Variants in MED16 observed in about 807,000 individuals in gnomAD.
The protein encoded by MED16 is mediator of RNA polymerase II transcription subunit 16.
In MED16, 81 loss-of-function variants were observed where a neutral mutation model predicts 84.4. The ratio of observed to expected loss-of-function variants is 0.96; its 90% confidence interval spans 0.80 to 1.15. MED16 has a LOEUF of 1.15. MED16 is among the 50% of genes most tolerant of loss of function. The probability of loss-of-function intolerance (pLI) is 0.00; values close to 1 mark genes in which losing one functional copy is unlikely to be tolerated. For synonymous variants in MED16, 897 were observed against 552.2 expected (o/e 1.62, Z -8.76); for missense variants, 1,585 against 1,245.9 (o/e 1.27, Z -4.10).
At chr19:882,486 T>C (rs1425376622) in intron 6 of MED16, among the ~76,000 whole-genome samples, 1 of 152,162 alleles carries the variant, frequency 6.6e-6, no homozygotes, top group Non-Finnish European at 1.5e-5. Flanking sequence ...ATCACGCCAC[T>C]GCACTCCAGC....
chr19:880,778 G>A (rs541190590), intron 7 of MED16, among the ~76,000 whole-genome samples: 17 of 152,030 alleles, frequency 1.1e-4, no homozygotes, highest in East Asian at 1.9e-4. Flanking sequence ...AAAATTAGCC[G>A]GGCGTGGCAG....
At chr19:875,191 A>T in intron 10 of MED16, 53 bp downstream of exon 10, 2 of 1,218,896 alleles carry the variant, frequency 1.6e-6, no homozygotes, top group Non-Finnish European at 2.3e-6. Context: ...AAATAAAAAT[A>T]AAATAAATAG....
At chr19:875,118 C>A (rs763364062) in intron 10 of MED16, 126 bp downstream of exon 10, 1 of 589,746 alleles carries the variant, frequency 1.7e-6, no homozygotes, top group Admixed American at 3.7e-5. Context: ...GAGCTGAGAT[C>A]GCACCACTGC....
In MED16 at chr19:891,007, C is replaced by T. The variant is rs891859176; in HGVS notation, c.125G>A (p.Arg42Gln). The change falls in exon 2 of 16, where the codon CGA (arginine) becomes CAA (glutamine). Residue 42 changes from arginine to glutamine, a missense_variant. Physicochemically the swap from Arg to Gln is conservative, Grantham distance 43. Coordinates refer to ENST00000325464, the MANE Select transcript of MED16 (RefSeq NM_005481.3). ...GTCCATGGTGAAGGCGATGAGATTT[C>T]GGCAGGACCAGGCGCAGGCCAGGGG... The part of the protein sequence containing the change: ...SVPLACAWSC[R>Q]NLIAFTMDLR... 3.7e-6 allele frequency: 6 copies of T among 1,614,050 alleles called. No homozygotes were observed. The highest frequency in any genetic ancestry group is 2.2e-5 in the East Asian group (1 of 44,878).
At chr19:870,932 T>C (rs1460523923) in intron 13 of MED16, 105 bp downstream of exon 13, 21 of 1,057,916 alleles carry the variant, frequency 2.0e-5, no homozygotes, top group East Asian at 3.0e-5. Context: ...CGGGGGGACC[T>C]GGGGCAGGAC....
chr19:890,217 T>C lies in MED16; in HGVS notation c.197A>G (p.Asp66Gly), dbSNP rs1183552837. The change falls in exon 3 of 16, where the codon GAC becomes GGC. Residue 66 changes from aspartate to glycine, a missense_variant. Physicochemically the swap from Asp to Gly is moderately conservative, Grantham distance 94 (BLOSUM62 -1). Transcript: ENST00000325464. ...GTGCAGGTCCCAGGGGTGCTCCGTG[T>C]CCAGGATGTGGATCATGCGGGTCAG... ...QDLTRMIHIL[D>G]TEHPWDLHSI... is the part of the protein sequence containing the mutation. The C allele has an allele frequency of 6.4e-7, 1 of 1,553,934 alleles. No individual in the cohort carries two copies. Among genetic ancestry groups the C allele is most frequent in the Non-Finnish European group, 8.7e-7 (1 of 1,148,676 alleles).
In MED16 at chr19:879,406, C is replaced by T. The variant is rs868306607; in HGVS notation, c.1353+531G>A. Among the ~76,000 whole-genome samples, 836 of 138,292 alleles carry T rather than the reference C, an allele frequency of 6.0e-3. 5 individuals carry two copies. The highest frequency in any genetic ancestry group is 0.023 in the African/African-American group (776 of 33,796). 90.7% of individuals were successfully genotyped at this position (138,292 alleles called of 152,430 possible). A position where few individuals can be genotyped will look rare whatever the true frequency, so the allele number is the denominator to read the frequency against. On this transcript the variant is annotated intron_variant, in intron 8 of 15. Transcript: ENST00000325464. ...CACATGCCCCAGCAGCTCACCTTTC[C>T]CTGGTTGTCAATGCCCACCAACCCC... is the stretch of plus-strand genomic sequence containing the variant.
chr19:871,972 G>C lies in MED16; in HGVS notation c.2052C>G (p.Asp684Glu). ...PVYTATSDTQ[D>E]SMSLLFRLLT... The stretch of plus-strand genomic sequence containing the variant: ...GCAGGCGGAAGAGCAGGGACATGCT[G>C]TCCTGGGTATCCGAGGTGGCCGTAT... Residue 684 changes from aspartate (D) to glutamate (E), a missense_variant, in exon 12 of 16, where the codon GAC (aspartate) becomes GAG (glutamate). Asp to Glu is a conservative substitution (Grantham distance 45). Transcript: ENST00000325464. 1 of 1,607,162 alleles carries C rather than the reference G, an allele frequency of 6.2e-7. No homozygotes were observed. The highest frequency in any genetic ancestry group is 2.2e-5 in the East Asian group (1 of 44,590).
intron 7 of MED16, among the ~76,000 whole-genome samples, chr19:880,871 G>T (rs62132310): frequency 1.3e-5 from 2 of 148,440 alleles, no homozygotes; most frequent in Non-Finnish European, 3.0e-5. Flanking sequence ...GTTGCAGTGA[G>T]CCGAGATCAC....
chr19:882,693 C>T (rs144442835), intron 6 of MED16, among the ~76,000 whole-genome samples: 1,598 of 152,332 alleles, frequency 0.01, 13 homozygotes, highest in Middle Eastern at 0.034. Flanking sequence ...ACCAGGAGAG[C>T]GCAGCTGAGG....
intron 11 of MED16, among the ~76,000 whole-genome samples, chr19:872,321 C>A (rs1201494028): frequency 6.6e-6 from 1 of 151,984 alleles, no homozygotes; most frequent in African/African-American, 2.4e-5. Context: ...CCCAGGACAG[C>A]CCCATTTGCA....
In MED16 at chr19:873,059, CAGGGCTCCGAGGTGGGGG is replaced by C. The variant is rs1568321145; in HGVS notation, c.1905+372_1905+389del. On this transcript the variant is annotated intron_variant, in intron 11 of 15. Coordinates refer to ENST00000325464, the MANE Select transcript of MED16 (RefSeq NM_005481.3). ...GGTGGGGCAGGGCTCCGAGGTGGGGCAGGGCTCCGAGGTGGGGGAGGGCTCCGAGGTGGGGGAGGGCTC... is the reference window on the plus strand; with the variant it reads ...GGTGGGGCAGGGCTCCGAGGTGGGGCAGGGCTCCGAGGTGGGGGAGGGCTC... 63 of 136,404 alleles carry C rather than the reference CAGGGCTCCGAGGTGGGGG, an allele frequency of 4.6e-4. 8 individuals carry two copies. The highest frequency in any genetic ancestry group is 3.4e-3 in the Admixed American group (2 of 580). The allele number at this position is 136,404 out of a possible 1,614,324, so 8.4% of individuals were successfully genotyped here.
chr19:881,831 T>C (rs1049161797), intron 6 of MED16, 117 bp from the exon 7 acceptor site: 9 of 1,238,404 alleles, frequency 7.3e-6, no homozygotes, highest in Non-Finnish European at 9.0e-6. Flanking sequence ...CCAGGTCTCA[T>C]GCCGCCCTGC....
At chr19:885,440 C>A (rs963983568) in intron 5 of MED16, among the ~76,000 whole-genome samples, 1 of 151,820 alleles carries the variant, frequency 6.6e-6, no homozygotes, top group Non-Finnish European at 1.5e-5. Flanking sequence ...GACACTGAGA[C>A]GGGAGAGCAC....
Position 871,994 on chromosome 19 carries a change from G to A in MED16, c.2030C>T (p.Thr677Met), listed in dbSNP as rs1334940919. The change falls in exon 12 of 16, where the codon ACG becomes ATG. Residue 677 changes from threonine (T) to methionine (M), a missense_variant. By Grantham distance (81) the Thr-to-Met change is moderately conservative. Transcript: ENST00000325464. ...GCTGTCCTGGGTATCCGAGGTGGCCGTATACACGGGCAGGCAGCTGGGCTT... is the reference window on the plus strand; with the variant it reads ...GCTGTCCTGGGTATCCGAGGTGGCCATATACACGGGCAGGCAGCTGGGCTT... ...LLKPSCLPVY[T>M]ATSDTQDSMS... 1.1e-5 allele frequency: 17 copies of A among 1,608,438 alleles called. No homozygotes were observed. The East Asian group carries it at 1.6e-4, about 15-fold the overall frequency.
chr19:876,486 A>G lies in MED16; in HGVS notation c.1560+488T>C, dbSNP rs542987261. On this transcript the variant is annotated intron_variant, in intron 9 of 15. Coordinates refer to ENST00000325464, the MANE Select transcript of MED16 (RefSeq NM_005481.3). ...AGAAAGATACCTCCAGACTGGGAAC[A>G]CTGGAGAGGGGAGCCGTCCAGGGGG... Among the ~76,000 whole-genome samples, 4 of 152,234 alleles carry G rather than the reference A, an allele frequency of 2.6e-5. No homozygotes were observed. In the South Asian group the frequency reaches 8.3e-4, roughly 32 times the overall value.
chr19:868,183 A>C lies in MED16; in HGVS notation c.2552T>G (p.Val851Gly). 1 of 1,609,504 alleles carries C rather than the reference A, an allele frequency of 6.2e-7. No homozygotes were observed. The highest frequency in any genetic ancestry group is 8.5e-7 in the Non-Finnish European group (1 of 1,178,504). Residue 851 changes from valine (V) to glycine (G), a missense_variant, in exon 16 of 16, where the codon GTC becomes GGC. Physicochemically the swap from Val to Gly is moderately radical, Grantham distance 109. Coordinates refer to ENST00000325464, the MANE Select transcript of MED16 (RefSeq NM_005481.3). ...GTGTGTGGACTGCGGGCCCAGCTGG[A>C]CAAAGGCAGGGGCTTCCTCAGAAGC... is the stretch of plus-strand genomic sequence containing the variant. ...SRASEEAPAFVQLGPQSTHHS... is the reference protein window; with the variant it reads ...SRASEEAPAFGQLGPQSTHHS...
At chr19:870,977 C>G in intron 13 of MED16, 60 bp downstream of exon 13, 1 of 1,429,256 alleles carries the variant, frequency 7.0e-7, no homozygotes, top group South Asian at 1.4e-5. Flanking sequence ...TCGGGGGTCC[C>G]GGGGCAGGAC....
At chr19:876,113 C>T (rs528999042) in intron 9 of MED16, among the ~76,000 whole-genome samples, 71 of 152,264 alleles carry the variant, frequency 4.7e-4, no homozygotes, top group Non-Finnish European at 2.4e-4. Flanking sequence ...ACGCGTTTCT[C>T]GGCAGGCTGT....
Sources: allele counts gnomAD v4.1 joint callset (sites outside exome capture counted in the v4.1 genomes callset), GRCh38; gene constraint gnomAD v4.1.1; transcripts MANE v1.5; gene names NCBI Gene and HGNC (gene_info 2026-07-23, HGNC 2026-07-21).